Variants in CNOT4 observed in about 807,000 individuals in gnomAD.
CNOT4 encodes CCR4-associated factor 4.
A neutral mutation model predicts 73.8 loss-of-function variants in CNOT4; 8 were observed. That is an observed-to-expected ratio of 0.11 (90% CI 0.06 to 0.20). CNOT4 has a LOEUF of 0.20. Among genes scored for constraint, CNOT4 ranks in the 10% least tolerant of loss-of-function variants. CNOT4 has a pLI of 1.00. For synonymous variants in CNOT4, 293 were observed against 321.1 expected, an observed-to-expected ratio of 0.91 and a Z score of 0.94; for missense variants, 564 against 883.4, an observed-to-expected ratio of 0.64 and a Z score of 4.58.
At chr7:135,454,746 G>C (rs1800417281) in intron 1 of CNOT4, among the ~76,000 whole-genome samples, 1 of 152,170 alleles carries the variant, frequency 6.6e-6, no homozygotes, top group South Asian at 2.1e-4. Flanking sequence ...ACAATAATGA[G>C]CTGGGTATGG....
At chr7:135,383,876 A>C (rs1443092082) in intron 10 of CNOT4, among the ~76,000 whole-genome samples, 1 of 151,988 alleles carries the variant, frequency 6.6e-6, no homozygotes, top group Non-Finnish European at 1.5e-5. Context: ...TTGGCACAAG[A>C]TTATACATTT....
chr7:135,404,454 G>T (rs1178173722), intron 7 of CNOT4, among the ~76,000 whole-genome samples: 1 of 152,110 alleles, frequency 6.6e-6, no homozygotes. Context: ...TCTCTCAAAA[G>T]AATGTGCACA....
chr7:135,384,289 C>CT (rs950354107), intron 10 of CNOT4: 20 of 156,032 alleles, frequency 1.3e-4, no homozygotes, highest in African/African-American at 2.2e-4. Flanking sequence ...CTCTCTCTCT[C>CT]TTTTTTTTTT....
At position 135,383,451 on chromosome 7, in the gene CNOT4, T is replaced by C. The variant is rs767968010; in HGVS notation, c.1627+10467A>G. Among the ~76,000 whole-genome samples the C allele has an allele frequency of 4.6e-5, 7 of 152,222 alleles. No homozygotes were observed. In the East Asian group the frequency reaches 9.6e-4, roughly 21 times the overall value. Reference sequence around the variant, plus strand: ...GGTCCTCCCCAGCACTCTGCTTCCATGTCCTCCTACGATGCTTTGAGGAAG... The same window carrying C: ...GGTCCTCCCCAGCACTCTGCTTCCACGTCCTCCTACGATGCTTTGAGGAAG... On this transcript the variant is annotated intron_variant, in intron 10 of 11. Transcript: ENST00000541284.
At chr7:135,454,761 G>A (rs947811839) in intron 1 of CNOT4, among the ~76,000 whole-genome samples, 2 of 152,136 alleles carry the variant, frequency 1.3e-5, no homozygotes, top group Non-Finnish European at 2.9e-5. Context: ...GTATGGTGGC[G>A]TGTGCCTGTA....
At chr7:135,461,716 T>G (rs1800888744) in intron 1 of CNOT4, among the ~76,000 whole-genome samples, 1 of 151,980 alleles carries the variant, frequency 6.6e-6, no homozygotes, top group Non-Finnish European at 1.5e-5. Flanking sequence ...CCTATAATTA[T>G]GGCTATTCAG....
rs144556186 is a variant in CNOT4 at position 135,438,830 on chromosome 7, G to A, written c.-92-407C>T. 3.6e-4 allele frequency among the ~76,000 whole-genome samples: 54 copies of A among 151,944 alleles called. 1 individual carries two copies. The highest frequency in any genetic ancestry group is 1.3e-3 in the African/African-American group (53 of 41,462). On this transcript the variant is annotated intron_variant, in intron 1 of 11. Coordinates refer to ENST00000541284, the MANE Select transcript of CNOT4 (RefSeq NM_001190850.2). Reference sequence around the variant, plus strand: ...TTTGTCACAATTTATAAAACAAATCGAATGAAAACAAGATACTTCAATCAT... The same window carrying A: ...TTTGTCACAATTTATAAAACAAATCAAATGAAAACAAGATACTTCAATCAT...
At chr7:135,427,042 A>G (rs1227678868) in intron 2 of CNOT4, among the ~76,000 whole-genome samples, 1 of 152,156 alleles carries the variant, frequency 6.6e-6, no homozygotes, top group African/African-American at 2.4e-5. Context: ...CTTTAAACAT[A>G]CTATTGTGCA....
rs1797668112 is a variant in CNOT4, at chr7:135,413,104, T to TC, written c.687+383dup. On this transcript the variant is annotated intron_variant, in intron 6 of 11. Coordinates refer to ENST00000541284, the MANE Select transcript of CNOT4 (RefSeq NM_001190850.2). Reference sequence around the variant, plus strand: ...ATTGGTTTAACAAATAATTACAATATCCCACTTAGCTTTCATTTTGTTGAC... The same window carrying TC: ...ATTGGTTTAACAAATAATTACAATATCCCCACTTAGCTTTCATTTTGTTGAC... Among the ~76,000 whole-genome samples, 3 of 152,144 alleles carry TC rather than the reference T, an allele frequency of 2.0e-5. No individual in the cohort carries two copies. The South Asian group carries it at 6.2e-4, about 31-fold the overall frequency.
intron 1 of CNOT4, among the ~76,000 whole-genome samples, chr7:135,458,955 T>A (rs1319971332): frequency 2.6e-5 from 4 of 152,106 alleles, no homozygotes; most frequent in African/African-American, 9.6e-5. Flanking sequence ...TCTAGAATGA[T>A]GAATCCTTTC....
intron 1 of CNOT4, among the ~76,000 whole-genome samples, chr7:135,499,878 C>T (rs1329878106): frequency 2.0e-5 from 3 of 151,956 alleles, no homozygotes; most frequent in African/African-American, 4.8e-5. Context: ...TAAAACAAAC[C>T]CCCCAAGGAG....
At chr7:135,456,244 AT>A (rs1800521290) in intron 1 of CNOT4, among the ~76,000 whole-genome samples, 1 of 152,128 alleles carries the variant, frequency 6.6e-6, no homozygotes, top group Non-Finnish European at 1.5e-5. Context: ...CAACAAACTG[AT>A]TTTTTTGAAT....
rs1367020012 is a variant in CNOT4, at chr7:135,363,883, C to T, written c.1811G>A (p.Gly604Asp). The T allele has an allele frequency of 3.8e-6, 6 of 1,597,654 alleles. No homozygotes were observed. The East Asian group carries it at 8.9e-5, about 24-fold the overall frequency. The change falls in exon 11 of 12, where the codon GGC becomes GAC. Residue 604 changes from glycine to aspartate, a missense_variant. Gly to Asp is a moderately conservative substitution (Grantham distance 94). Transcript: ENST00000541284. This position sits in a 1 kb window ranked among gnomAD's most constrained non-coding sequence, Gnocchi z 4.3. Reference protein sequence around the residue: ...TTDSLSWDSPGSWTDPAIITG... With the variant: ...TTDSLSWDSPDSWTDPAIITG... Reference sequence around the variant, plus strand: ...GATGATGGCTGGGTCTGTCCAGCTGCCAGGGCTGTCCCAACTCAGGCTGTC... The same window carrying T: ...GATGATGGCTGGGTCTGTCCAGCTGTCAGGGCTGTCCCAACTCAGGCTGTC...
intron 1 of CNOT4, among the ~76,000 whole-genome samples, chr7:135,466,895 C>T (rs1801257146): frequency 1.3e-5 from 2 of 152,194 alleles, no homozygotes. Flanking sequence ...CAGTAGGCTG[C>T]ACCATCTAGG....
At chr7:135,459,966 T>C (rs1800774183) in intron 1 of CNOT4, among the ~76,000 whole-genome samples, 1 of 152,184 alleles carries the variant, frequency 6.6e-6, no homozygotes, top group Non-Finnish European at 1.5e-5. Context: ...ACCTAGCACT[T>C]TTATGTTATG....
At chr7:135,399,810 T>C (rs1232457341) in intron 7 of CNOT4, among the ~76,000 whole-genome samples, 2 of 152,066 alleles carry the variant, frequency 1.3e-5, no homozygotes, top group Non-Finnish European at 2.9e-5. Flanking sequence ...ATTCATAAAA[T>C]AGCAATAAAT....
intron 1 of CNOT4, among the ~76,000 whole-genome samples, chr7:135,440,995 TATAAC>T (rs1799446860): frequency 6.6e-6 from 1 of 152,144 alleles, no homozygotes; most frequent in Non-Finnish European, 1.5e-5. Context: ...GTAAATATGA[TATAAC>T]ATAAGGTATG....
At chr7:135,479,232 T>G (rs1275140684) in intron 1 of CNOT4, among the ~76,000 whole-genome samples, 1 of 120,570 alleles carries the variant, frequency 8.3e-6, no homozygotes, top group African/African-American at 3.4e-5. Context: ...TTTTTTGAGA[T>G]GGAGTCTCGC....
intron 1 of CNOT4, among the ~76,000 whole-genome samples, chr7:135,503,341 T>C (rs1342282509): frequency 4.0e-5 from 6 of 151,766 alleles, no homozygotes; most frequent in Non-Finnish European, 8.8e-5. Context: ...CCTGTGCCTG[T>C]AGTCAGAGCA....
Sources: allele counts gnomAD v4.1 joint callset (sites outside exome capture counted in the v4.1 genomes callset), GRCh38; gene constraint gnomAD v4.1.1; non-coding constraint Gnocchi (gnomAD v3.1); transcripts MANE v1.5; gene names NCBI Gene and HGNC (gene_info 2026-07-23, HGNC 2026-07-21).